ATG16L2: variants seen among roughly 807,000 people sequenced by gnomAD.
ATG16L2 encodes autophagy related 16 like 2.
A neutral mutation model predicts 84.7 loss-of-function variants in ATG16L2; 77 were observed. The observed-to-expected ratio is 0.91, with a 90% CI of 0.76 to 1.10. The LOEUF (loss-of-function observed/expected upper bound fraction) is 1.10, where lower values mean the gene tolerates loss of function less well. Among genes scored for constraint, ATG16L2 ranks in the 50% least tolerant of loss-of-function variants. The pLI is 0.00. For missense variants in ATG16L2, 782 were observed against 817.6 expected (o/e 0.96, Z 0.53); for synonymous variants, 361 against 342.8 (o/e 1.05, Z -0.59).
intron 8 of ATG16L2, 106 bp downstream of exon 8, chr11:72,824,228 C>T (rs1278987522): frequency 2.2e-6 from 3 of 1,376,014 alleles, no homozygotes; most frequent in Middle Eastern, 4.0e-4. Context: ...TGATGTGCAG[C>T]TGTCTGCCTG....
Position 72,822,368 on chromosome 11 carries a change from T to C in ATG16L2, c.644+73T>C. 6.4e-7 allele frequency: 1 copy of C among 1,570,672 alleles called. No homozygotes were observed. Among genetic ancestry groups the C allele is most frequent in the Non-Finnish European group, 8.6e-7 (1 of 1,159,184 alleles). On this transcript the variant is annotated intron_variant, in intron 5 of 17. Transcript: ENST00000321297. This position sits in a 1 kb window ranked among gnomAD's most constrained non-coding sequence, Gnocchi z 4.2. The stretch of plus-strand genomic sequence containing the variant: ...AGGGAGGAGTCGGGCCTCGCCGGTG[T>C]CTGGAAGGGAGGGGGGCAGCAGCCG...
chr11:72,840,049 A>G (rs1238928027), intron 5 of ATG16L2, among the ~76,000 whole-genome samples: 1 of 152,194 alleles, frequency 6.6e-6, no homozygotes, highest in African/African-American at 2.4e-5. Flanking sequence ...CTTACCCACC[A>G]GTCCATCTTG....
Position 72,824,769 on chromosome 11 carries a change from C to G in ATG16L2, c.923C>G (p.Ala308Gly). 1.2e-6 allele frequency: 2 copies of G among 1,613,304 alleles called. No individual in the cohort carries two copies. Among genetic ancestry groups the G allele is most frequent in the Non-Finnish European group, 1.7e-6 (2 of 1,179,600 alleles). ...KKRRGHSIGG[A>G]PEQRYQIIPV... ...AGGAGAGGTCACTCAATTGGGGGAG[C>G]CCCTGAGCAGCGATACCAGATCATC... The change falls in exon 9 of 18, where the codon GCC becomes GGC. Residue 308 changes from alanine (A) to glycine (G), a missense_variant. Transcript: ENST00000321297.
At chr11:72,843,522 G>T in exon 6 of ATG16L2, 2 of 1,612,722 alleles carry the variant, frequency 1.2e-6, no homozygotes, top group Non-Finnish European at 1.7e-6. Context: ...CAACTCATCT[G>T]GTTGAGAAGC....
In ATG16L2 at chr11:72,826,072, G is replaced by A. The variant is rs796216909; in HGVS notation, c.1103-101G>A. 7.3e-5 allele frequency: 69 copies of A among 938,898 alleles called. 1 individual carries two copies. The highest frequency in any genetic ancestry group is 5.4e-4 in the African/African-American group (33 of 61,566). 58.2% of individuals were successfully genotyped at this position (938,898 alleles called of 1,614,324 possible). ...CTGTCTTCTAACCTGGGGATGTGTC[G>A]GGGGGTGGGGCGGGAACTGATCTTC... On this transcript the variant is annotated intron_variant, in intron 10 of 17. Coordinates refer to ENST00000321297, the MANE Select transcript of ATG16L2 (RefSeq NM_033388.2).
chr11:72,827,614 A>C (rs1173324528), intron 14 of ATG16L2, among the ~76,000 whole-genome samples: 2 of 152,124 alleles, frequency 1.3e-5, no homozygotes, highest in African/African-American at 4.8e-5. Flanking sequence ...TAAACCAAAG[A>C]CCCTAACTTT....
At position 72,829,472 on chromosome 11, in the gene ATG16L2, G is replaced by T; in HGVS notation, c.*82G>T. On this transcript the variant is annotated 3_prime_UTR_variant, in exon 18 of 18. Coordinates refer to ENST00000321297, the MANE Select transcript of ATG16L2 (RefSeq NM_033388.2). ...GGCGCCATGCAGGGGTTGGGGTTGGGACTGGAGCTGGCCTTGGGATTTAAT... is the reference window on the plus strand; with the variant it reads ...GGCGCCATGCAGGGGTTGGGGTTGGTACTGGAGCTGGCCTTGGGATTTAAT... 1 of 1,529,656 alleles carries T rather than the reference G, an allele frequency of 6.5e-7. No homozygotes were observed. Among genetic ancestry groups the T allele is most frequent in the South Asian group, 1.2e-5 (1 of 82,970 alleles). The allele number at this position is 1,529,656 out of a possible 1,614,324, so 94.8% of individuals were successfully genotyped here. A position where few individuals can be genotyped will look rare whatever the true frequency, so the allele number is the denominator to read the frequency against.
At position 72,827,179 on chromosome 11, in the gene ATG16L2, G is replaced by T. The variant is rs1174159918; in HGVS notation, c.1367-9G>T. On this transcript the variant is annotated splice_polypyrimidine_tract_variant and intron_variant, in intron 13 of 17. Transcript: ENST00000321297. ...TCTGAGGCCCTGGGGTCTGCTGCTT[G>T]GTCCCCAGGCTCCAGGACCATCAAT... 4 of 1,608,296 alleles carry T rather than the reference G, an allele frequency of 2.5e-6. No individual in the cohort carries two copies. In the African/African-American group the frequency reaches 5.3e-5, roughly 21 times the overall value.
At chr11:72,833,074 G>A (rs1214763147), downstream of ATG16L2, among the ~76,000 whole-genome samples, 1 of 152,202 alleles carries the variant, frequency 6.6e-6, no homozygotes, top group Non-Finnish European at 1.5e-5. Context: ...CCCCTATCCT[G>A]TGCTCCTACT....
downstream of ATG16L2, among the ~76,000 whole-genome samples, chr11:72,830,712 C>T (rs375724989): frequency 5.3e-5 from 8 of 152,316 alleles, no homozygotes; most frequent in East Asian, 1.9e-4. Flanking sequence ...AGAGACCACC[C>T]GCAACCCCAG....
chr11:72,837,368 G>A (rs2135140369), intron 5 of ATG16L2: 1 of 152,310 alleles, frequency 6.6e-6, no homozygotes, highest in South Asian at 2.1e-4. Context: ...CATTTGGCGA[G>A]CATTTCAAGT....
At chr11:72,834,476 C>G (rs1860674794), downstream of ATG16L2, among the ~76,000 whole-genome samples, 1 of 152,146 alleles carries the variant, frequency 6.6e-6, no homozygotes, top group Non-Finnish European at 1.5e-5. Context: ...CTTAGTAAGT[C>G]TGGTTTCAAA....
intron 1 of ATG16L2, 36 bp downstream of exon 1, chr11:72,814,599 A>G: frequency 6.6e-7 from 1 of 1,506,012 alleles, no homozygotes; most frequent in Non-Finnish European, 9.0e-7. Context: ...ATGGCGGCTG[A>G]GGGGACGCGG....
At chr11:72,833,921 C>CA (rs879883108), downstream of ATG16L2, among the ~76,000 whole-genome samples, 191 of 112,600 alleles carry the variant, frequency 1.7e-3, no homozygotes, top group Middle Eastern at 8.3e-3. Context: ...AACTCCGTCT[C>CA]AAAAAAAAAA....
Position 72,821,451 on chromosome 11 carries a change from T to A in ATG16L2, c.319-217T>A. 5 of 1,380,350 alleles carry A rather than the reference T, an allele frequency of 3.6e-6. No homozygotes were observed. In the East Asian group the frequency reaches 8.3e-5, roughly 23 times the overall value. The allele number at this position is 1,380,350 out of a possible 1,614,324, so 85.5% of individuals were successfully genotyped here. A position where few individuals can be genotyped will look rare whatever the true frequency, so the allele number is the denominator to read the frequency against. ...AGAAACGAAGCGGCACGGCGAGGAT[T>A]GGGACCCAGGGCTGACTCCAGAGCC... On this transcript the variant is annotated intron_variant, in intron 3 of 17. Coordinates refer to ENST00000321297, the MANE Select transcript of ATG16L2 (RefSeq NM_033388.2).
rs374944114 is a variant in ATG16L2 at position 72,826,240 on chromosome 11, C to T, written c.1170C>T (p.Pro390=). The T allele has an allele frequency of 3.5e-5, 56 of 1,613,666 alleles. 2 individuals carry two copies. The highest frequency in any genetic ancestry group is 3.3e-4 in the East Asian group (15 of 44,882). The change falls in exon 11 of 18, where the codon CCC becomes CCT. Residue 390 remains proline (P), a synonymous_variant. Transcript: ENST00000321297. The part of the protein sequence containing the change: ...GGSITSVDFD[P]SGYQVLAATY... ...GCATCACCAGTGTGGACTTTGACCC[C>T]TCGGTGAGGAACTCTGCCCCAGTGG... is the stretch of plus-strand genomic sequence containing the variant.
chr11:72,827,289 A>G lies in ATG16L2; in HGVS notation c.1468A>G (p.Ser490Gly). The change falls in exon 14 of 18, where the codon AGC becomes GGC. Residue 490 changes from serine (S) to glycine (G), a missense_variant. Physicochemically the swap from Ser to Gly is moderately conservative, Grantham distance 56. Transcript: ENST00000321297. ...TGACCAGAAGATCCGGTTCTGGGAC[A>G]GCAGGTGACAGGCGCAGGCTGGGGG... ...HNDQKIRFWDSRGPHCTQVIP... is the reference protein window; with the variant it reads ...HNDQKIRFWDGRGPHCTQVIP... 1 of 1,613,220 alleles carries G rather than the reference A, an allele frequency of 6.2e-7. No homozygotes were observed. The highest frequency in any genetic ancestry group is 8.5e-7 in the Non-Finnish European group (1 of 1,179,184).
rs529960861 is a variant in ATG16L2, at chr11:72,829,506, A to C, written c.*116A>C. ...TGGCCTTGGGATTTAATGGGGAAGA[A>C]GGCCTGGCAGGACCTGGCCTGTTTG... On this transcript the variant is annotated 3_prime_UTR_variant, in exon 18 of 18. Coordinates refer to ENST00000321297, the MANE Select transcript of ATG16L2 (RefSeq NM_033388.2). 12 of 1,453,038 alleles carry C rather than the reference A, an allele frequency of 8.3e-6. No individual in the cohort carries two copies. The highest frequency in any genetic ancestry group is 5.1e-5 in the Admixed American group (2 of 39,354). 90.0% of individuals were successfully genotyped at this position (1,453,038 alleles called of 1,614,324 possible).
rs1860065469 is a variant in ATG16L2 at position 72,822,417 on chromosome 11, C to T, written c.645-61C>T. 4 of 1,608,750 alleles carry T rather than the reference C, an allele frequency of 2.5e-6. No individual in the cohort carries two copies. Among genetic ancestry groups the T allele is most frequent in the Non-Finnish European group, 8.5e-7 (1 of 1,177,630 alleles). On this transcript the variant is annotated intron_variant, in intron 5 of 17. Transcript: ENST00000321297. The surrounding 1 kb of genome is among the most constrained non-coding windows in gnomAD (Gnocchi z 4.2). ...CGCCCCCTGGAGGAAGGGACCGGGT[C>T]TAGCCCCGCCTGCGTGCGAGGCGCC...
Sources: allele counts gnomAD v4.1 joint callset (sites outside exome capture counted in the v4.1 genomes callset), GRCh38; gene constraint gnomAD v4.1.1; non-coding constraint Gnocchi (gnomAD v3.1); transcripts MANE v1.5; gene names NCBI Gene and HGNC (gene_info 2026-07-23, HGNC 2026-07-21).